Variants in ARID1A observed in about 807,000 individuals in gnomAD.
The protein encoded by ARID1A is AT-rich interaction domain 1A.
In ARID1A, 20 loss-of-function variants were observed where a neutral mutation model predicts 212.6. The observed-to-expected ratio is 0.09, with a 90% CI of 0.07 to 0.14. The LOEUF (loss-of-function observed/expected upper bound fraction) is 0.14. Ranked by LOEUF, ARID1A falls within the 10% of genes least tolerant of loss-of-function variation. ARID1A has a pLI of 1.00. For missense variants in ARID1A, 2,587 were observed against 3,059.0 expected, an observed-to-expected ratio of 0.85 and a Z score of 3.64; for synonymous variants, 1,376 against 1,222.1, an observed-to-expected ratio of 1.13 and a Z score of -2.63.
In ARID1A at chr1:26,702,859, T is replaced by C. The variant is rs535182601; in HGVS notation, c.1137+5319T>C. On this transcript the variant is annotated intron_variant, in intron 1 of 19. Transcript: ENST00000324856. ...GTCAATTGCAGTTTCATAGTGAAAA[T>C]AGAAGTTTGGAAAGAAGATCCTGAC... is the stretch of plus-strand genomic sequence containing the variant. 1.6e-3 allele frequency among the ~76,000 whole-genome samples: 249 copies of C among 152,240 alleles called. 1 individual carries two copies. Among genetic ancestry groups the C allele is most frequent in the African/African-American group, 5.6e-3 (234 of 41,528 alleles).
chr1:26,696,571 G>A lies in ARID1A; in HGVS notation c.168G>A (p.Gln56=), dbSNP rs547230159. ...GGGAAATGAAGGCAGCCGCCGGGCA[G>A]GAAAGCGAGGGCCCCGCCGTGGGGC... ...ERGEMKAAAG[Q]ESEGPAVGPP... The change falls in exon 1 of 20, where the codon CAG becomes CAA. Residue 56 remains glutamine (Q), a synonymous_variant. Transcript: ENST00000324856. The A allele has an allele frequency of 1.9e-5, 23 of 1,230,734 alleles. No individual in the cohort carries two copies. In the African/African-American group the frequency reaches 3.6e-4, roughly 19 times the overall value. The allele number at this position is 1,230,734 out of a possible 1,614,324, so 76.2% of individuals were successfully genotyped here.
At chr1:26,766,670 C>G (rs1297150680) in intron 10 of ARID1A, 104 bp downstream of exon 10, 1 of 1,181,720 alleles carries the variant, frequency 8.5e-7, no homozygotes, top group Non-Finnish European at 1.2e-6. Context: ...TTTTATGACA[C>G]CGGACTAGAT....
intron 4 of ARID1A, among the ~76,000 whole-genome samples, chr1:26,756,346 A>T (rs2080936358): frequency 6.6e-6 from 1 of 152,092 alleles, no homozygotes; most frequent in Non-Finnish European, 1.5e-5. Flanking sequence ...ACCTGAGGTC[A>T]GGAGTTCGAG....
intron 4 of ARID1A, 31 bp downstream of exon 4, chr1:26,732,823 T>A (rs369283652): frequency 6.4e-7 from 1 of 1,566,502 alleles, no homozygotes; most frequent in Non-Finnish European, 8.8e-7. Flanking sequence ...TGAAAGGTGA[T>A]AGGGGCAGAG....
At chr1:26,707,200 ATTTTTTTTTTTTTTT>A (rs751639614) in intron 1 of ARID1A, among the ~76,000 whole-genome samples, 1 of 102,612 alleles carries the variant, frequency 9.7e-6, no homozygotes, top group Non-Finnish European at 2.1e-5. Flanking sequence ...CGGCTGGCTA[ATTTTTTTTTTTTTTT>A]TTTTTTTTTT....
chr1:26,710,440 C>T (rs1020409107), intron 1 of ARID1A, among the ~76,000 whole-genome samples: 2 of 149,602 alleles, frequency 1.3e-5, no homozygotes, highest in Non-Finnish European at 3.0e-5. Flanking sequence ...CACACCATTG[C>T]ACTCCAGCCT....
rs1357495864 is a variant in ARID1A at position 26,779,222 on chromosome 1, A to T, written c.5324A>T (p.Glu1775Val). The change falls in exon 20 of 20, where the codon GAG (glutamate) becomes GTG (valine). Residue 1775 changes from glutamate to valine, a missense_variant. Glu to Val is a moderately radical substitution (Grantham distance 121). This residue lies in a region of ARID1A where 890 missense variants were observed against 1,098.2 expected (regional missense o/e 0.81). Coordinates refer to ENST00000324856, the MANE Select transcript of ARID1A (RefSeq NM_006015.6). ...GAACTTCTAGGTCCTAAACTAGAAGAGGAAGAAGAAGAGGAAGTAGTTGAA... is the reference window on the plus strand; with the variant it reads ...GAACTTCTAGGTCCTAAACTAGAAGTGGAAGAAGAAGAGGAAGTAGTTGAA... ...EEELLGPKLE[E>V]EEEEEVVEND... 1 of 1,613,806 alleles carries T rather than the reference A, an allele frequency of 6.2e-7. No individual in the cohort carries two copies. The highest frequency in any genetic ancestry group is 1.3e-5 in the African/African-American group (1 of 74,912).
chr1:26,700,535 G>T (rs2080322735), intron 1 of ARID1A, among the ~76,000 whole-genome samples: 1 of 152,206 alleles, frequency 6.6e-6, no homozygotes, highest in African/African-American at 2.4e-5. Context: ...TTACACACAT[G>T]AAGTTGATTT....
At chr1:26,732,896 A>C in intron 4 of ARID1A, 104 bp downstream of exon 4, 1 of 991,180 alleles carries the variant, frequency 1.0e-6, no homozygotes, top group Non-Finnish European at 1.5e-6. Flanking sequence ...ACCTAAATGA[A>C]TAAGTTATTT....
In ARID1A at chr1:26,731,553, TCAG is replaced by T. The variant is rs777762320; in HGVS notation, c.1756_1758del (p.Gln586del). 1.7e-5 allele frequency: 28 copies of T among 1,613,974 alleles called. No homozygotes were observed. The highest frequency in any genetic ancestry group is 1.5e-5 in the Non-Finnish European group (18 of 1,180,024). ...AGGCTGCGTATCCTCAGCCCCAGTC[TCAG>T]CAGTCCCAGCAAACTGCCTATTCCC... On this transcript the variant is annotated inframe_deletion, in exon 3 of 20. Transcript: ENST00000324856.
At chr1:26,758,489 C>T (rs553470348) in intron 4 of ARID1A, among the ~76,000 whole-genome samples, 111 of 152,138 alleles carry the variant, frequency 7.3e-4, no homozygotes, top group African/African-American at 2.4e-3. Context: ...TGTGGTGGTG[C>T]GTGCCTGTAG....
At chr1:26,730,366 A>T (rs1367843493) in intron 2 of ARID1A, among the ~76,000 whole-genome samples, 1 of 152,224 alleles carries the variant, frequency 6.6e-6, no homozygotes, top group Admixed American at 6.5e-5. Context: ...ATTTCCCCTT[A>T]TCCATCTCTT....
At chr1:26,768,164 T>C (rs1481697269) in intron 11 of ARID1A, among the ~76,000 whole-genome samples, 165 bp downstream of exon 11, 3 of 152,112 alleles carry the variant, frequency 2.0e-5, no homozygotes, top group Admixed American at 1.3e-4. Context: ...TCCCAGAAGA[T>C]AAGGCAGGAA....
chr1:26,770,859 C>G, intron 11 of ARID1A: 1 of 472,844 alleles, frequency 2.1e-6, no homozygotes, highest in Middle Eastern at 5.6e-4. Context: ...GAATTCTGTT[C>G]CAGTAGTAAT....
chr1:26,762,350 C>T (rs369874454), intron 7 of ARID1A, 31 bp downstream of exon 7: 180 of 1,598,146 alleles, frequency 1.1e-4, no homozygotes, highest in Non-Finnish European at 1.4e-4. Flanking sequence ...GGAGTAGATA[C>T]GGGTGAGAGG....
chr1:26,697,208 C>G lies in ARID1A; in HGVS notation c.805C>G (p.Gln269Glu). ...CTCGTCGTCTTCGTCCTTCGCTCAG[C>G]AGCGCTTCGGGGCCATGGGGGGAGG... The part of the protein sequence containing the change: ...ASSSSSSFAQ[Q>E]RFGAMGGGGP... Residue 269 changes from glutamine (Q) to glutamate (E), a missense_variant, in exon 1 of 20, where the codon CAG becomes GAG. This residue lies in a region of ARID1A where 735 missense variants were observed against 590.6 expected (regional missense o/e 1.24). Transcript: ENST00000324856. 7.1e-7 allele frequency: 1 copy of G among 1,406,052 alleles called. No homozygotes were observed. The highest frequency in any genetic ancestry group is 9.2e-7 in the Non-Finnish European group (1 of 1,086,828). 87.1% of individuals were successfully genotyped at this position (1,406,052 alleles called of 1,614,324 possible). A position where few individuals can be genotyped will look rare whatever the true frequency, so the allele number is the denominator to read the frequency against.
In ARID1A at chr1:26,779,386, A is replaced by G. The variant is rs2124139783; in HGVS notation, c.5488A>G (p.Lys1830Glu). The stretch of plus-strand genomic sequence containing the variant: ...TCCATTTGTGGTGGACTGCTCAGAT[A>G]AGCTTGGGCGTGTGCAGGAGTTTGA... ...NDPFVVDCSD[K>E]LGRVQEFDSG... The change falls in exon 20 of 20, where the codon AAG becomes GAG. Residue 1830 changes from lysine (K) to glutamate (E), a missense_variant. By Grantham distance (56) the Lys-to-Glu change is moderately conservative (BLOSUM62 1). Around this residue, in one of 11 missense-constraint regions of ARID1A, gnomAD observed 890 missense variants for 1,098.2 expected, o/e 0.81. Transcript: ENST00000324856. The G allele has an allele frequency of 6.2e-7, 1 of 1,614,204 alleles. No individual in the cohort carries two copies. The highest frequency in any genetic ancestry group is 8.5e-7 in the Non-Finnish European group (1 of 1,180,040).
At chr1:26,772,477 T>C (rs1339847050) in intron 12 of ARID1A, 23 bp from the exon 13 acceptor site, 2 of 1,614,118 alleles carry the variant, frequency 1.2e-6, no homozygotes, top group South Asian at 1.1e-5. Context: ...AGCAAACTAC[T>C]CAACTTGTAT....
chr1:26,726,064 A>G (rs559628849), intron 1 of ARID1A, among the ~76,000 whole-genome samples: 2 of 151,872 alleles, frequency 1.3e-5, no homozygotes, highest in East Asian at 3.9e-4. Flanking sequence ...CATATTGGCC[A>G]GGCTGGTCTG....
Sources: allele counts gnomAD v4.1 joint callset (sites outside exome capture counted in the v4.1 genomes callset), GRCh38; gene constraint gnomAD v4.1.1; regional missense constraint gnomAD v4.1.1; transcripts MANE v1.5; gene names NCBI Gene and HGNC (gene_info 2026-07-23, HGNC 2026-07-21).